ACVR1: variants seen among roughly 807,000 people sequenced by gnomAD.
The protein encoded by ACVR1 is activin receptor type-1.
Under a neutral mutation model 57.1 loss-of-function variants are expected in ACVR1, and 38 were observed. The observed-to-expected ratio is 0.67, with a 90% confidence interval of 0.51 to 0.87. The LOEUF is 0.87. ACVR1 is among the 40% of genes least tolerant of loss of function. ACVR1 has a pLI of 0.00. For synonymous variants in ACVR1, 212 were observed against 228.1 expected (o/e 0.93, Z 0.63); for missense variants, 463 against 638.2 (o/e 0.73, Z 2.96).
chr2:157,830,345 T>A (rs1438485586), intron 1 of ACVR1, among the ~76,000 whole-genome samples: 1 of 151,904 alleles, frequency 6.6e-6, no homozygotes, highest in Non-Finnish European at 1.5e-5. Context: ...GAAAAAGAAA[T>A]AATAATGCTA....
Position 157,834,185 on chromosome 2 carries a change from G to A in ACVR1, c.-182-15626C>T, listed in dbSNP as rs1005778689. 5.7e-4 allele frequency among the ~76,000 whole-genome samples: 87 copies of A among 152,248 alleles called. 1 individual carries two copies. The highest frequency in any genetic ancestry group is 1.9e-3 in the African/African-American group (80 of 41,556). On this transcript the variant is annotated intron_variant, in intron 1 of 10. Transcript: ENST00000434821. Reference sequence around the variant, plus strand: ...CGGCTCACTGCAACCTCTGCCTCCCGAATTCAAGCGATTCTCCTGCCTCAG... The same window carrying A: ...CGGCTCACTGCAACCTCTGCCTCCCAAATTCAAGCGATTCTCCTGCCTCAG...
At chr2:157,830,834 T>C (rs1436802031) in intron 1 of ACVR1, among the ~76,000 whole-genome samples, 1 of 152,138 alleles carries the variant, frequency 6.6e-6, no homozygotes, top group African/African-American at 2.4e-5. Context: ...AAGCTCTCAC[T>C]GGCTGGCCTG....
chr2:157,803,280 T>C (rs1185376070), intron 2 of ACVR1, among the ~76,000 whole-genome samples: 1 of 152,156 alleles, frequency 6.6e-6, no homozygotes, highest in East Asian at 1.9e-4. Context: ...AAAAGAATTA[T>C]AAATTCAGAC....
chr2:157,835,727 T>C (rs866965406), intron 1 of ACVR1, among the ~76,000 whole-genome samples: 3 of 152,198 alleles, frequency 2.0e-5, no homozygotes, highest in Non-Finnish European at 2.9e-5. Context: ...TGCCCCACAG[T>C]AGGGCTGAAA....
At chr2:157,844,213 G>C (rs565735123) in intron 1 of ACVR1, among the ~76,000 whole-genome samples, 3 of 152,286 alleles carry the variant, frequency 2.0e-5, no homozygotes, top group Non-Finnish European at 4.4e-5. Context: ...TGTCTTCCAG[G>C]TTTGTAAAAC....
At chr2:157,818,011 A>AC (rs1420249134) in intron 2 of ACVR1, among the ~76,000 whole-genome samples, 22 of 151,936 alleles carry the variant, frequency 1.4e-4, no homozygotes, top group Admixed American at 8.5e-4. Context: ...CAAAAAAAAA[A>AC]AAAACAAAAG....
intron 4 of ACVR1, among the ~76,000 whole-genome samples, chr2:157,778,589 G>C (rs1331367926): frequency 1.3e-5 from 2 of 152,172 alleles, no homozygotes; most frequent in African/African-American, 4.8e-5. Context: ...GTATGAATGT[G>C]AGAGTGCTTT....
At chr2:157,782,384 A>T (rs1686554465) in intron 3 of ACVR1, among the ~76,000 whole-genome samples, 1 of 152,226 alleles carries the variant, frequency 6.6e-6, no homozygotes, top group Non-Finnish European at 1.5e-5. Flanking sequence ...GTATGTCACC[A>T]GTCTCACCCC....
chr2:157,856,097 C>G (rs1689523911), intron 1 of ACVR1, among the ~76,000 whole-genome samples: 1 of 151,956 alleles, frequency 6.6e-6, no homozygotes, highest in Non-Finnish European at 1.5e-5. Flanking sequence ...TGACAAGACT[C>G]TACGAGACAG....
Position 157,747,278 on chromosome 2 carries a change from G to C in ACVR1, c.1265-8708C>G, listed in dbSNP as rs371975161. Among the ~76,000 whole-genome samples the C allele has an allele frequency of 1.5e-4, 23 of 152,252 alleles. 1 individual carries two copies. Among genetic ancestry groups the C allele is most frequent in the African/African-American group, 5.5e-4 (23 of 41,554 alleles). ...TAAATTAGTACAGCTTTTATGAAAA[G>C]CAACTTGGCAATATGTGTCAAGCCA... is the stretch of plus-strand genomic sequence containing the variant. On this transcript the variant is annotated intron_variant, in intron 9 of 10. Coordinates refer to ENST00000434821, the MANE Select transcript of ACVR1 (RefSeq NM_001111067.4).
intron 2 of ACVR1, among the ~76,000 whole-genome samples, chr2:157,807,894 C>A (rs1687613976): frequency 7.2e-6 from 1 of 139,030 alleles, no homozygotes; most frequent in African/African-American, 2.6e-5. Flanking sequence ...AATGTCAAGG[C>A]CAGAGAGGTA....
intron 1 of ACVR1, among the ~76,000 whole-genome samples, chr2:157,841,550 C>A (rs547284125): frequency 6.6e-6 from 1 of 152,206 alleles, no homozygotes; most frequent in East Asian, 1.9e-4. Flanking sequence ...AGTTAAAGAT[C>A]CACCCAGAGC....
At chr2:157,811,051 A>G (rs1454389269) in intron 2 of ACVR1, among the ~76,000 whole-genome samples, 1 of 152,194 alleles carries the variant, frequency 6.6e-6, no homozygotes, top group Non-Finnish European at 1.5e-5. Flanking sequence ...GCTGAGAATG[A>G]CAAGGAGGTC....
At chr2:157,806,079 C>A (rs752290195) in intron 2 of ACVR1, among the ~76,000 whole-genome samples, 2 of 151,970 alleles carry the variant, frequency 1.3e-5, no homozygotes, top group African/African-American at 2.4e-5. Context: ...CCCCCTGCCT[C>A]GGCCTCCCAA....
At position 157,850,847 on chromosome 2, in the gene ACVR1, C is replaced by T. The variant is rs568413596; in HGVS notation, c.-183+24949G>A. Among the ~76,000 whole-genome samples, 99 of 152,168 alleles carry T rather than the reference C, an allele frequency of 6.5e-4. No individual in the cohort carries two copies. In the Middle Eastern group the frequency reaches 0.014, roughly 21 times the overall value. On this transcript the variant is annotated intron_variant, in intron 1 of 10. Coordinates refer to ENST00000434821, the MANE Select transcript of ACVR1 (RefSeq NM_001111067.4). Reference sequence around the variant, plus strand: ...TGGTGCACATCTGTAATCCCAGCTACGCAGGAGGCTGAAACAGGAGAATTG... The same window carrying T: ...TGGTGCACATCTGTAATCCCAGCTATGCAGGAGGCTGAAACAGGAGAATTG...
At chr2:157,768,998 A>G (rs894000458) in intron 7 of ACVR1, among the ~76,000 whole-genome samples, 4 of 152,238 alleles carry the variant, frequency 2.6e-5, no homozygotes, top group African/African-American at 4.8e-5. Flanking sequence ...GTTAGAGCAG[A>G]GGTACAAAGT....
chr2:157,796,254 A>G (rs951188150), intron 3 of ACVR1, among the ~76,000 whole-genome samples: 2 of 151,408 alleles, frequency 1.3e-5, no homozygotes, highest in African/African-American at 4.8e-5. Context: ...AAGGCAAAAT[A>G]TCATACAGAA....
At chr2:157,755,889 A>G (rs1282328374) in intron 9 of ACVR1, among the ~76,000 whole-genome samples, 4 of 152,014 alleles carry the variant, frequency 2.6e-5, no homozygotes, top group Non-Finnish European at 4.4e-5. Context: ...AAATCTGGAA[A>G]TAATACATTA....
At chr2:157,867,461 C>T (rs760466624) in intron 1 of ACVR1, among the ~76,000 whole-genome samples, 12 of 152,126 alleles carry the variant, frequency 7.9e-5, no homozygotes, top group South Asian at 4.1e-4. Flanking sequence ...CAACTAACAC[C>T]GAGCCTCAGT....
Sources: allele counts gnomAD v4.1 joint callset (sites outside exome capture counted in the v4.1 genomes callset), GRCh38; gene constraint gnomAD v4.1.1; transcripts MANE v1.5; gene names NCBI Gene and HGNC (gene_info 2026-07-23, HGNC 2026-07-21).